The following CMTM8 variants were observed in gnomAD, a reference collection of about 807,000 sequenced individuals.
The protein encoded by CMTM8 is CKLF like MARVEL transmembrane domain containing 8.
A neutral mutation model predicts 18.6 loss-of-function variants in CMTM8; 12 were observed. That is an observed-to-expected ratio of 0.65 (90% confidence interval 0.41 to 1.05). The LOEUF is 1.05. CMTM8 is among the 50% of genes least tolerant of loss of function. The probability of loss-of-function intolerance (pLI) is 0.00; values close to 1 mark genes in which losing one functional copy is unlikely to be tolerated. For missense variants in CMTM8, 217 were observed against 227.2 expected (o/e 0.95, Z 0.29); for synonymous variants, 87 against 90.6 (o/e 0.96, Z 0.23).
At chr3:32,311,578 A>T (rs1695819761) in intron 1 of CMTM8, among the ~76,000 whole-genome samples, 1 of 152,112 alleles carries the variant, frequency 6.6e-6, no homozygotes, top group African/African-American at 2.4e-5. Flanking sequence ...GAACTTCCTC[A>T]CTTTAAGATT....
intron 3 of CMTM8, among the ~76,000 whole-genome samples, chr3:32,369,521 C>T (rs897912432): frequency 2.0e-5 from 3 of 152,048 alleles, no homozygotes; most frequent in East Asian, 1.9e-4. Flanking sequence ...CTGGCCCACT[C>T]GACTCATTTA....
intron 1 of CMTM8, among the ~76,000 whole-genome samples, chr3:32,257,218 T>C (rs1702185954): frequency 6.6e-6 from 1 of 152,136 alleles, no homozygotes; most frequent in Non-Finnish European, 1.5e-5. Flanking sequence ...CTCAAGTGAT[T>C]CACCCACCTC....
At chr3:32,270,086 A>T (rs181202636) in intron 1 of CMTM8, among the ~76,000 whole-genome samples, 66 of 151,446 alleles carry the variant, frequency 4.4e-4, no homozygotes, top group Middle Eastern at 3.4e-3. Flanking sequence ...CTGGCTAATT[A>T]AAAAAAATTT....
At chr3:32,366,752 TG>T (rs140165095) in intron 2 of CMTM8, among the ~76,000 whole-genome samples, 29,676 of 152,192 alleles carry the variant, frequency 0.19, 3,130 homozygotes, top group East Asian at 0.3. Flanking sequence ...TGCACAGATG[TG>T]TTTCTAGACC....
intron 1 of CMTM8, among the ~76,000 whole-genome samples, chr3:32,300,420 G>A (rs1001636335): frequency 2.6e-5 from 4 of 152,300 alleles, no homozygotes; most frequent in African/African-American, 9.6e-5. Flanking sequence ...TGGCTTTGGG[G>A]AAAAGGGTTT....
At chr3:32,328,403 C>T (rs1321140784) in intron 1 of CMTM8, among the ~76,000 whole-genome samples, 4 of 143,156 alleles carry the variant, frequency 2.8e-5, no homozygotes, top group South Asian at 2.2e-4. Flanking sequence ...AAAGTAATCC[C>T]GGCTACTTGG....
chr3:32,291,282 C>A (rs967455147), intron 1 of CMTM8, among the ~76,000 whole-genome samples: 4 of 152,088 alleles, frequency 2.6e-5, no homozygotes, highest in African/African-American at 4.8e-5. Flanking sequence ...GTGCCCGCCA[C>A]CACATCTGGC....
intron 1 of CMTM8, among the ~76,000 whole-genome samples, chr3:32,280,066 A>G (rs528030084): frequency 7.2e-5 from 11 of 152,042 alleles, no homozygotes; most frequent in South Asian, 2.1e-4. Flanking sequence ...CCATAAATCT[A>G]TTGCTTCATA....
At chr3:32,327,772 C>T (rs1696191313) in intron 1 of CMTM8, among the ~76,000 whole-genome samples, 1 of 152,190 alleles carries the variant, frequency 6.6e-6, no homozygotes, top group Non-Finnish European at 1.5e-5. Context: ...GCACCCTCTT[C>T]AGTATTATGG....
intron 1 of CMTM8, among the ~76,000 whole-genome samples, chr3:32,338,068 C>A (rs1035679941): frequency 6.6e-6 from 1 of 151,004 alleles, no homozygotes; most frequent in Admixed American, 6.6e-5. Context: ...ACTGCAACCT[C>A]CGCCTCCCAG....
chr3:32,241,068 A>C (rs1276724871), intron 1 of CMTM8, among the ~76,000 whole-genome samples: 1 of 152,224 alleles, frequency 6.6e-6, no homozygotes, highest in Admixed American at 6.5e-5. Flanking sequence ...GATTGTAGGC[A>C]TGAACCACTG....
intron 1 of CMTM8, among the ~76,000 whole-genome samples, chr3:32,347,959 C>G (rs1173401391): frequency 6.6e-6 from 1 of 152,094 alleles, no homozygotes; most frequent in Non-Finnish European, 1.5e-5. Context: ...CTTGGATTTC[C>G]CTTCATCCTG....
intron 1 of CMTM8, among the ~76,000 whole-genome samples, chr3:32,305,335 A>G (rs1377531810): frequency 6.7e-6 from 1 of 148,814 alleles, no homozygotes; most frequent in African/African-American, 2.5e-5. Context: ...GGTTCACGCC[A>G]TTCTCCTGCG....
chr3:32,283,942 TAAAC>T (rs2125551558), intron 1 of CMTM8, among the ~76,000 whole-genome samples: 1 of 152,326 alleles, frequency 6.6e-6, no homozygotes, highest in South Asian at 2.1e-4. Context: ...TGAGTATACA[TAAAC>T]CCACACACAA....
intron 1 of CMTM8, among the ~76,000 whole-genome samples, chr3:32,302,676 C>A (rs192106257): frequency 6.6e-6 from 1 of 152,194 alleles, no homozygotes; most frequent in East Asian, 1.9e-4. Context: ...GAAATTGGAG[C>A]AAATTTCACA....
intron 1 of CMTM8, among the ~76,000 whole-genome samples, chr3:32,294,909 G>A (rs1199435424): frequency 6.6e-6 from 1 of 151,972 alleles, no homozygotes; most frequent in African/African-American, 2.4e-5. Context: ...ACAAAAATTA[G>A]CTGGGTGTGG....
At chr3:32,310,237 T>C (rs1695794937) in intron 1 of CMTM8, among the ~76,000 whole-genome samples, 1 of 152,174 alleles carries the variant, frequency 6.6e-6, no homozygotes, top group Non-Finnish European at 1.5e-5. Context: ...GGGACAAATT[T>C]GGGAGATGGC....
intron 1 of CMTM8, among the ~76,000 whole-genome samples, chr3:32,249,854 T>C (rs1261987887): frequency 6.6e-6 from 1 of 152,260 alleles, no homozygotes; most frequent in Non-Finnish European, 1.5e-5. Context: ...TTCTAGACTA[T>C]GTCCTTAGAA....
chr3:32,344,261 T>G (rs575396651), intron 1 of CMTM8, among the ~76,000 whole-genome samples: 1 of 152,362 alleles, frequency 6.6e-6, no homozygotes, highest in East Asian at 1.9e-4. Flanking sequence ...CTAAGCCAGC[T>G]GGGAACAGCT....
Sources: allele counts gnomAD v4.1 joint callset (sites outside exome capture counted in the v4.1 genomes callset), GRCh38; gene constraint gnomAD v4.1.1; transcripts MANE v1.5; gene names NCBI Gene and HGNC (gene_info 2026-07-23, HGNC 2026-07-21).